The following TNFRSF21 variants were observed in gnomAD, a reference collection of about 807,000 sequenced individuals.
TNFRSF21 encodes tumor necrosis factor receptor superfamily member 21.
In TNFRSF21, 19 loss-of-function variants were observed where a neutral mutation model predicts 45.6. The ratio of observed to expected loss-of-function variants is 0.42; its 90% CI spans 0.29 to 0.61. The LOEUF (loss-of-function observed/expected upper bound fraction) is 0.61, where lower values mean the gene tolerates loss of function less well. Ranked by LOEUF, TNFRSF21 falls within the 20% of genes least tolerant of loss-of-function variation. The probability of loss-of-function intolerance (pLI) is 0.23; values close to 1 mark genes in which losing one functional copy is unlikely to be tolerated. For synonymous variants in TNFRSF21, 314 were observed against 335.5 expected (o/e 0.94, Z 0.70); for missense variants, 737 against 851.5 (o/e 0.87, Z 1.67).
At chr6:47,255,549 C>A (rs1419986491) in intron 3 of TNFRSF21, among the ~76,000 whole-genome samples, 1 of 151,974 alleles carries the variant, frequency 6.6e-6, no homozygotes, top group African/African-American at 2.4e-5. Context: ...GCAACCTTAA[C>A]CTCTCGAGTT....
intron 3 of TNFRSF21, among the ~76,000 whole-genome samples, chr6:47,269,447 T>C (rs550855402): frequency 1.1e-4 from 16 of 152,332 alleles, no homozygotes; most frequent in Non-Finnish European, 1.8e-4. Flanking sequence ...CAAGTCTTTG[T>C]AAAGATTATT....
rs1379823330 is a variant in TNFRSF21, at chr6:47,298,090, G to C, written c.96+11326C>G. On this transcript the variant is annotated intron_variant, in intron 1 of 5. Coordinates refer to ENST00000296861, the MANE Select transcript of TNFRSF21 (RefSeq NM_014452.5). ...AGCAGAAGGGATTTACTATTAATAAGTACATTAGATAACTAGGGCAGAATT... is the reference window on the plus strand; with the variant it reads ...AGCAGAAGGGATTTACTATTAATAACTACATTAGATAACTAGGGCAGAATT... 2.0e-5 allele frequency among the ~76,000 whole-genome samples: 3 copies of C among 152,136 alleles called. No individual in the cohort carries two copies. In the South Asian group the frequency reaches 6.2e-4, roughly 32 times the overall value.
At chr6:47,249,955 A>G (rs562174930) in intron 4 of TNFRSF21, among the ~76,000 whole-genome samples, 2 of 152,278 alleles carry the variant, frequency 1.3e-5, no homozygotes, top group South Asian at 4.1e-4. Flanking sequence ...GAAAAAAATA[A>G]AAAAAGACGA....
intron 1 of TNFRSF21, among the ~76,000 whole-genome samples, chr6:47,308,963 G>A (rs909657092): frequency 1.3e-5 from 2 of 152,194 alleles, no homozygotes; most frequent in African/African-American, 4.8e-5. Flanking sequence ...ATCCCGACAT[G>A]ACATTGCAGC....
intron 3 of TNFRSF21, among the ~76,000 whole-genome samples, chr6:47,255,416 T>C (rs2113850901): frequency 6.6e-6 from 1 of 152,240 alleles, no homozygotes; most frequent in Non-Finnish European, 1.5e-5. Flanking sequence ...GGTATTTTAC[T>C]ACAACGGGTG....
intron 4 of TNFRSF21, among the ~76,000 whole-genome samples, chr6:47,248,686 C>G (rs933058319): frequency 2.0e-5 from 3 of 152,228 alleles, no homozygotes; most frequent in African/African-American, 7.2e-5. Flanking sequence ...CTCTGGGGCA[C>G]TGAACCCAGA....
At chr6:47,241,919 T>C (rs1054824202) in intron 4 of TNFRSF21, among the ~76,000 whole-genome samples, 3 of 152,172 alleles carry the variant, frequency 2.0e-5, no homozygotes, top group African/African-American at 4.8e-5. Context: ...ATTGCATAAG[T>C]AGGGAACAGC....
intron 1 of TNFRSF21, among the ~76,000 whole-genome samples, chr6:47,293,660 T>A (rs2113867623): frequency 6.6e-6 from 1 of 152,334 alleles, no homozygotes; most frequent in South Asian, 2.1e-4. Context: ...CAACGAGTAC[T>A]GAGATATTGG....
At chr6:47,241,610 C>G (rs533912235) in intron 4 of TNFRSF21, among the ~76,000 whole-genome samples, 2 of 151,932 alleles carry the variant, frequency 1.3e-5, no homozygotes, top group Admixed American at 1.3e-4. Flanking sequence ...GGACTGGAAA[C>G]GTATACATAC....
chr6:47,243,456 C>T (rs1191213421), intron 4 of TNFRSF21, among the ~76,000 whole-genome samples: 1 of 151,702 alleles, frequency 6.6e-6, no homozygotes, highest in Non-Finnish European at 1.5e-5. Flanking sequence ...TTTTTCGTGT[C>T]TCCCAGGCTG....
At chr6:47,260,917 G>C (rs1361368499) in intron 3 of TNFRSF21, among the ~76,000 whole-genome samples, 2 of 152,318 alleles carry the variant, frequency 1.3e-5, no homozygotes, top group African/African-American at 4.8e-5. Flanking sequence ...TCTAGAAAGA[G>C]AGTGTAAAGG....
intron 1 of TNFRSF21, among the ~76,000 whole-genome samples, chr6:47,300,672 T>A (rs1762854552): frequency 6.6e-6 from 1 of 152,188 alleles, no homozygotes; most frequent in Admixed American, 6.5e-5. Context: ...ACCACCGTAA[T>A]CTTTCTATTC....
Position 47,309,596 on chromosome 6 carries a change from C to G in TNFRSF21, c.-85G>C. 2 of 1,366,626 alleles carry G rather than the reference C, an allele frequency of 1.5e-6. No individual in the cohort carries two copies. Among genetic ancestry groups the G allele is most frequent in the Non-Finnish European group, 9.4e-7 (1 of 1,068,548 alleles). The allele number at this position is 1,366,626 out of a possible 1,614,324, so 84.7% of individuals were successfully genotyped here. On this transcript the variant is annotated 5_prime_UTR_variant, in exon 1 of 6. Transcript: ENST00000296861. ...TGCTTCTGCCCAGCGCCGCATCCAC[C>G]GCCGCCTCCCGGGCCGGGAGCCCAT...
intron 1 of TNFRSF21, among the ~76,000 whole-genome samples, chr6:47,296,704 A>G (rs1301195685): frequency 6.6e-6 from 1 of 152,244 alleles, no homozygotes; most frequent in Non-Finnish European, 1.5e-5. Flanking sequence ...GCTTCTGGAC[A>G]GCTGAACACC....
chr6:47,297,171 G>A (rs1762800139), intron 1 of TNFRSF21, among the ~76,000 whole-genome samples: 1 of 152,166 alleles, frequency 6.6e-6, no homozygotes, highest in Middle Eastern at 3.2e-3. Context: ...CAAAGGTGTT[G>A]TGTTGAGCCT....
intron 4 of TNFRSF21, among the ~76,000 whole-genome samples, chr6:47,252,492 G>A (rs980198227): frequency 3.3e-5 from 5 of 152,170 alleles, no homozygotes; most frequent in Admixed American, 6.5e-5. Context: ...CATCATGGTC[G>A]TAACTACCAC....
At chr6:47,253,105 TGTGTGTGTGTGTGTGCAGGCGTATGC>T in intron 4 of TNFRSF21, 125 bp downstream of exon 4, 8 of 642,644 alleles carry the variant, frequency 1.2e-5, no homozygotes, top group Non-Finnish European at 7.0e-6. Flanking sequence ...GAAGGTAGGG[TGTGTGTGTGTGTGTGCAGGCGTATGC>T]GTGTGTGTGT....
chr6:47,266,320 C>T (rs1245558365), intron 3 of TNFRSF21, among the ~76,000 whole-genome samples: 2 of 152,002 alleles, frequency 1.3e-5, no homozygotes, highest in African/African-American at 4.8e-5. Context: ...TTTTTCTAAG[C>T]CTGTTGTTGG....
chr6:47,289,937 T>G (rs1209018941), intron 1 of TNFRSF21, among the ~76,000 whole-genome samples: 1 of 152,084 alleles, frequency 6.6e-6, no homozygotes, highest in Non-Finnish European at 1.5e-5. Context: ...GAGGTTGCAG[T>G]GAGCCGAGAT....
Sources: gnomAD v4.1 joint callset for allele counts (sites outside exome capture counted in the v4.1 genomes callset) on GRCh38, gnomAD v4.1.1 for gene constraint, MANE v1.5 for transcripts, NCBI Gene and HGNC (gene_info 2026-07-23, HGNC 2026-07-21) for gene names.